The following NALF1 variants were observed in gnomAD, a reference collection of about 807,000 sequenced individuals.
NALF1 encodes the protein NALCN channel auxiliary factor 1.
NALF1 carries 3 observed loss-of-function variants against 48.4 expected under a neutral mutation model. The ratio of observed to expected loss-of-function variants is 0.06; its 90% CI spans 0.03 to 0.16. The LOEUF is 0.16. Ranked by LOEUF, NALF1 falls within the 10% of genes least tolerant of loss-of-function variation. The pLI is 1.00. For missense variants in NALF1, 526 were observed against 571.5 expected, an observed-to-expected ratio of 0.92 and a Z score of 0.81; for synonymous variants, 262 against 245.7, an observed-to-expected ratio of 1.07 and a Z score of -0.62.
chr13:107,545,272 A>T (rs957502341), intron 1 of NALF1, among the ~76,000 whole-genome samples: 1 of 152,190 alleles, frequency 6.6e-6, no homozygotes, highest in Non-Finnish European at 1.5e-5. Flanking sequence ...GATTGCAGCA[A>T]TGCACCCACA....
At chr13:107,226,791 C>T (rs1384770629) in intron 1 of NALF1, among the ~76,000 whole-genome samples, 1 of 152,146 alleles carries the variant, frequency 6.6e-6, no homozygotes, top group African/African-American at 2.4e-5. Context: ...TTAATTCTTA[C>T]ACAAACCTCT....
At chr13:107,421,898 T>C (rs1884195096) in intron 1 of NALF1, among the ~76,000 whole-genome samples, 1 of 152,182 alleles carries the variant, frequency 6.6e-6, no homozygotes, top group South Asian at 2.1e-4. Flanking sequence ...TACAAAACTT[T>C]GGAACAGGCA....
chr13:107,436,934 A>G (rs1308200460), intron 1 of NALF1, among the ~76,000 whole-genome samples: 1 of 152,180 alleles, frequency 6.6e-6, no homozygotes, highest in Non-Finnish European at 1.5e-5. Flanking sequence ...TCAAGAGACT[A>G]TATTAAGAAT....
intron 1 of NALF1, among the ~76,000 whole-genome samples, chr13:107,680,100 C>G (rs1279079906): frequency 6.6e-6 from 1 of 151,854 alleles, no homozygotes; most frequent in Non-Finnish European, 1.5e-5. Flanking sequence ...CCCATGTGCC[C>G]AGGTGCCCAG....
chr13:107,819,604 T>G (rs1433789032), intron 1 of NALF1, among the ~76,000 whole-genome samples: 1 of 151,812 alleles, frequency 6.6e-6, no homozygotes, highest in Non-Finnish European at 1.5e-5. Context: ...AGGTCTAGAT[T>G]TAAATGACTT....
rs573087064 is a variant in NALF1 at position 107,867,162 on chromosome 13, C to T, written c.-566G>A. The stretch of plus-strand genomic sequence containing the variant: ...CTCCTCCTCTTCTTCTCCTCCTCTT[C>T]CTCCTCCTTCCTTTCCTTCTCCTTC... On this transcript the variant is annotated 5_prime_UTR_variant, in exon 1 of 3. Transcript: ENST00000375915. This position sits in a 1 kb window ranked among gnomAD's most constrained non-coding sequence, Gnocchi z 4.4. 1.7e-3 allele frequency among the ~76,000 whole-genome samples: 251 copies of T among 151,934 alleles called. 1 individual carries two copies. Among genetic ancestry groups the T allele is most frequent in the Middle Eastern group, 3.4e-3 (1 of 290 alleles).
Position 107,170,249 on chromosome 13 carries a change from A to G in NALF1, c.*248T>C. 2.5e-6 allele frequency: 1 copy of G among 405,056 alleles called. No individual in the cohort carries two copies. Among genetic ancestry groups the G allele is most frequent in the Non-Finnish European group, 4.4e-6 (1 of 227,426 alleles). 25.1% of individuals were successfully genotyped at this position (405,056 alleles called of 1,614,324 possible). ...CCAAACCAAAACGAAAGCAAATAAAACCTCCAAACATTAAAACACAGTGTA... is the reference window on the plus strand; with the variant it reads ...CCAAACCAAAACGAAAGCAAATAAAGCCTCCAAACATTAAAACACAGTGTA... On this transcript the variant is annotated 3_prime_UTR_variant, in exon 3 of 3. Coordinates refer to ENST00000375915, the MANE Select transcript of NALF1 (RefSeq NM_001080396.3).
chr13:107,575,658 C>G (rs1054074645), intron 1 of NALF1, among the ~76,000 whole-genome samples: 2 of 152,150 alleles, frequency 1.3e-5, no homozygotes, highest in African/African-American at 4.8e-5. Context: ...GGGATCCTTT[C>G]TCTCCCATTT....
intron 1 of NALF1, among the ~76,000 whole-genome samples, chr13:107,237,649 T>G (rs576176436): frequency 6.6e-6 from 1 of 152,278 alleles, no homozygotes; most frequent in South Asian, 2.1e-4. Flanking sequence ...ACAAGAAAAA[T>G]GCCTGTACAT....
chr13:107,294,375 G>A (rs996079019), intron 1 of NALF1, among the ~76,000 whole-genome samples: 13 of 152,000 alleles, frequency 8.6e-5, no homozygotes, highest in South Asian at 4.1e-4. Context: ...ACTCGTCCAC[G>A]GTCACATATT....
intron 2 of NALF1, among the ~76,000 whole-genome samples, chr13:107,200,164 G>A (rs1343606684): frequency 6.6e-6 from 1 of 152,194 alleles, no homozygotes; most frequent in African/African-American, 2.4e-5. Context: ...CACCACAGCA[G>A]CAGAAGCACA....
intron 1 of NALF1, among the ~76,000 whole-genome samples, chr13:107,443,178 ATCT>A (rs1425637760): frequency 6.7e-5 from 9 of 134,606 alleles, no homozygotes; most frequent in South Asian, 2.2e-4. Flanking sequence ...CAATCTATCT[ATCT>A]ATCTATCTAT....
intron 1 of NALF1, among the ~76,000 whole-genome samples, chr13:107,568,750 T>G (rs1371408312): frequency 6.6e-6 from 1 of 152,202 alleles, no homozygotes. Flanking sequence ...TCCTATTTAG[T>G]GAAATGTCTG....
chr13:107,276,641 CT>C (rs1265121939), intron 1 of NALF1, among the ~76,000 whole-genome samples: 4 of 152,200 alleles, frequency 2.6e-5, no homozygotes, highest in Admixed American at 2.0e-4. Context: ...ATAAGAAAAA[CT>C]TCAACATATT....
At chr13:107,390,731 G>A (rs953753049) in intron 1 of NALF1, among the ~76,000 whole-genome samples, 18 of 152,110 alleles carry the variant, frequency 1.2e-4, no homozygotes, top group East Asian at 3.9e-4. Context: ...AGAGAGGGAC[G>A]GCACAGAGAG....
intron 1 of NALF1, among the ~76,000 whole-genome samples, chr13:107,409,973 T>C (rs1883962166): frequency 6.6e-6 from 1 of 152,324 alleles, no homozygotes; most frequent in Admixed American, 6.5e-5. Context: ...TGATTAAGCA[T>C]ATGCAGTAAT....
At chr13:107,325,921 TCAC>T in intron 1 of NALF1, among the ~76,000 whole-genome samples, 5 of 134,516 alleles carry the variant, frequency 3.7e-5, no homozygotes, top group South Asian at 4.8e-4. Context: ...TATACATATA[TCAC>T]ACATATATAC....
intron 1 of NALF1, among the ~76,000 whole-genome samples, chr13:107,592,805 C>T (rs1878634383): frequency 6.6e-6 from 1 of 151,702 alleles, no homozygotes; most frequent in Non-Finnish European, 1.5e-5. Flanking sequence ...TTGTAGTTAC[C>T]GATAAATTCT....
intron 1 of NALF1, among the ~76,000 whole-genome samples, chr13:107,839,997 A>T (rs1312340725): frequency 6.6e-6 from 1 of 152,172 alleles, no homozygotes; most frequent in Non-Finnish European, 1.5e-5. Context: ...ACAAAGGGAG[A>T]TCTACAAGTT....
Sources: allele counts gnomAD v4.1 joint callset (sites outside exome capture counted in the v4.1 genomes callset), GRCh38; gene constraint gnomAD v4.1.1; non-coding constraint Gnocchi (gnomAD v3.1); transcripts MANE v1.5; gene names NCBI Gene and HGNC (gene_info 2026-07-23, HGNC 2026-07-21).